Variants in PFDN1 observed in about 807,000 individuals in gnomAD.
The protein encoded by PFDN1 is prefoldin subunit 1.
Under a neutral mutation model 17.3 loss-of-function variants are expected in PFDN1, and 6 were observed. That is an observed-to-expected ratio of 0.35 (90% CI 0.19 to 0.69). The LOEUF (loss-of-function observed/expected upper bound fraction) is 0.69, where lower values mean the gene tolerates loss of function less well. Among genes scored for constraint, PFDN1 ranks in the 30% least tolerant of loss-of-function variants. The pLI, the probability that PFDN1 is intolerant of heterozygous loss-of-function variation, is 0.65. For missense variants in PFDN1, 113 were observed against 146.2 expected, an observed-to-expected ratio of 0.77 and a Z score of 1.17; for synonymous variants, 58 against 50.1, an observed-to-expected ratio of 1.16 and a Z score of -0.67.
intron 3 of PFDN1, among the ~76,000 whole-genome samples, chr5:140,272,340 A>AT (rs1765218435): frequency 6.8e-6 from 1 of 147,376 alleles, no homozygotes; most frequent in Non-Finnish European, 1.5e-5. Context: ...TATTTTAGAG[A>AT]TACATCCATA....
At chr5:140,293,967 AAC>A (rs1478175911) in intron 2 of PFDN1, among the ~76,000 whole-genome samples, 1 of 152,054 alleles carries the variant, frequency 6.6e-6, no homozygotes, top group Non-Finnish European at 1.5e-5. Context: ...TCTGTATAAA[AAC>A]ACAAGAAGGG....
At chr5:140,290,502 C>T (rs930773568) in intron 2 of PFDN1, among the ~76,000 whole-genome samples, 6 of 152,122 alleles carry the variant, frequency 3.9e-5, no homozygotes, top group African/African-American at 1.4e-4. Context: ...GAGGCCTGAC[C>T]TATATGACAT....
intron 3 of PFDN1, among the ~76,000 whole-genome samples, chr5:140,259,938 G>A (rs949640075): frequency 1.8e-4 from 27 of 152,142 alleles, no homozygotes; most frequent in African/African-American, 6.5e-4. Context: ...CAAAGAAGAC[G>A]TATTATTGGC....
Position 140,246,161 on chromosome 5 carries a change from C to G in PFDN1, c.286-104G>C, listed in dbSNP as rs539373520. 19 of 740,884 alleles carry G rather than the reference C, an allele frequency of 2.6e-5. No homozygotes were observed. The African/African-American group carries it at 2.9e-4, about 11-fold the overall frequency. The allele number at this position is 740,884 out of a possible 1,614,324, so 45.9% of individuals were successfully genotyped here. ...GTTATGGCTTTTCCTTTGTGACAGG[C>G]AACTTTCAGGAGTATACTGCAAGCC... On this transcript the variant is annotated intron_variant, in intron 3 of 3. Coordinates refer to ENST00000261813, the MANE Select transcript of PFDN1 (RefSeq NM_002622.5).
At chr5:140,246,951 G>A (rs910017245) in intron 3 of PFDN1, among the ~76,000 whole-genome samples, 6 of 152,162 alleles carry the variant, frequency 3.9e-5, no homozygotes, top group Admixed American at 2.6e-4. Context: ...CAGGGCATAT[G>A]TGACTGAGCC....
At chr5:140,272,267 G>A (rs926327370) in intron 3 of PFDN1, among the ~76,000 whole-genome samples, 7 of 151,762 alleles carry the variant, frequency 4.6e-5, no homozygotes, top group South Asian at 2.1e-4. Flanking sequence ...TGATCTGCCC[G>A]CCTCAGCCTC....
At chr5:140,249,065 T>C (rs1764872052) in intron 3 of PFDN1, among the ~76,000 whole-genome samples, 1 of 152,236 alleles carries the variant, frequency 6.6e-6, no homozygotes, top group African/African-American at 2.4e-5. Context: ...TCTAACTGTA[T>C]TTCAATAATT....
intron 2 of PFDN1, among the ~76,000 whole-genome samples, chr5:140,286,322 A>G (rs1269138809): frequency 6.7e-6 from 1 of 150,316 alleles, no homozygotes; most frequent in African/African-American, 2.4e-5. Flanking sequence ...TGAGACAGGA[A>G]AATCACTTGA....
intron 2 of PFDN1, among the ~76,000 whole-genome samples, chr5:140,286,266 A>G (rs1439735628): frequency 6.6e-6 from 1 of 151,452 alleles, no homozygotes; most frequent in Non-Finnish European, 1.5e-5. Context: ...CAAAAAAATT[A>G]GCCGGTGTGG....
At chr5:140,287,490 T>C (rs1765515821) in intron 2 of PFDN1, among the ~76,000 whole-genome samples, 1 of 152,116 alleles carries the variant, frequency 6.6e-6, no homozygotes, top group Non-Finnish European at 1.5e-5. Flanking sequence ...CAGATATAGA[T>C]TTCTAAATAA....
intron 3 of PFDN1, among the ~76,000 whole-genome samples, chr5:140,275,265 T>C (rs547235013): frequency 7.9e-5 from 12 of 151,856 alleles, no homozygotes; most frequent in Admixed American, 2.6e-4. Flanking sequence ...AAAAATTAGC[T>C]GGGCATGGCG....
At chr5:140,278,184 G>A (rs552210516) in intron 3 of PFDN1, among the ~76,000 whole-genome samples, 1 of 152,116 alleles carries the variant, frequency 6.6e-6, no homozygotes, top group Non-Finnish European at 1.5e-5. Context: ...CTCCAGCCTG[G>A]ACAACAGAGC....
At chr5:140,268,643 TCAA>T (rs1020213398) in intron 3 of PFDN1, among the ~76,000 whole-genome samples, 5 of 152,196 alleles carry the variant, frequency 3.3e-5, no homozygotes, top group South Asian at 2.1e-4. Flanking sequence ...AGACTCCATC[TCAA>T]CAACAACAAC....
At chr5:140,292,235 T>C (rs1330167007) in intron 2 of PFDN1, among the ~76,000 whole-genome samples, 1 of 152,186 alleles carries the variant, frequency 6.6e-6, no homozygotes, top group Non-Finnish European at 1.5e-5. Context: ...ATATGATCTT[T>C]ATTTTACTAG....
chr5:140,264,898 G>A (rs1292452561), intron 3 of PFDN1, among the ~76,000 whole-genome samples: 1 of 152,084 alleles, frequency 6.6e-6, no homozygotes, highest in African/African-American at 2.4e-5. Context: ...CAATGTGTGT[G>A]TACATAATAT....
At chr5:140,270,028 G>A (rs73793729) in intron 3 of PFDN1, among the ~76,000 whole-genome samples, 4,273 of 152,204 alleles carry the variant, frequency 0.028, 204 homozygotes, top group African/African-American at 0.097. Context: ...ATAAAGGTGT[G>A]GCCTTCCCCA....
chr5:140,248,400 C>G (rs1764863337), intron 3 of PFDN1, among the ~76,000 whole-genome samples: 1 of 151,882 alleles, frequency 6.6e-6, no homozygotes, highest in Non-Finnish European at 1.5e-5. Context: ...CTGTGGTGAG[C>G]TGAAAAAAGG....
intron 3 of PFDN1, among the ~76,000 whole-genome samples, chr5:140,261,561 G>A (rs368945284): frequency 2.6e-5 from 4 of 152,278 alleles, no homozygotes; most frequent in South Asian, 2.1e-4. Context: ...TCAAAGCCAC[G>A]GCAGGCACAG....
intron 3 of PFDN1, among the ~76,000 whole-genome samples, chr5:140,268,821 A>G (rs1765167746): frequency 6.6e-6 from 1 of 152,212 alleles, no homozygotes; most frequent in African/African-American, 2.4e-5. Flanking sequence ...ATTCAGCTCT[A>G]TCTGAAAATA....
Sources: allele counts gnomAD v4.1 joint callset (sites outside exome capture counted in the v4.1 genomes callset), GRCh38; gene constraint gnomAD v4.1.1; transcripts MANE v1.5; gene names NCBI Gene and HGNC (gene_info 2026-07-23, HGNC 2026-07-21).